The following BCL7C variants were observed in gnomAD, a reference collection of about 807,000 sequenced individuals.
The protein encoded by BCL7C is B-cell CLL/lymphoma 7 protein family member C.
In BCL7C, 8 loss-of-function variants were observed where a neutral mutation model predicts 26.2. The ratio of observed to expected loss-of-function variants is 0.30; its 90% CI spans 0.18 to 0.55. The LOEUF is 0.55. Among genes scored for constraint, BCL7C ranks in the 20% least tolerant of loss-of-function variants. BCL7C has a pLI of 0.93. For missense variants in BCL7C, 262 were observed against 298.5 expected (o/e 0.88, Z 0.90); for synonymous variants, 90 against 116.5 (o/e 0.77, Z 1.47).
In BCL7C at chr16:30,893,156, G is replaced by T; in HGVS notation, c.171+56C>A. On this transcript the variant is annotated intron_variant, in intron 2 of 5. Transcript: ENST00000215115. This position sits in a 1 kb window ranked among gnomAD's most constrained non-coding sequence, Gnocchi z 5.2. ...CTGGAGGTAGAGGTCAGCGTGGGGAGGAACTTGCCTGAGGTTGCACAGATG... is the reference window on the plus strand; with the variant it reads ...CTGGAGGTAGAGGTCAGCGTGGGGATGAACTTGCCTGAGGTTGCACAGATG... 1.3e-6 allele frequency: 2 copies of T among 1,558,946 alleles called. No homozygotes were observed.
In BCL7C at chr16:30,893,361, C is replaced by A; in HGVS notation, c.93-71G>T. Reference sequence around the variant, plus strand: ...CCACCCCCCTAGGAGCTGGACACATCTGGGGGTACCTGCAGAGGTTGAGGA... The same window carrying A: ...CCACCCCCCTAGGAGCTGGACACATATGGGGGTACCTGCAGAGGTTGAGGA... On this transcript the variant is annotated intron_variant, in intron 1 of 5. Transcript: ENST00000215115. This position sits in a 1 kb window ranked among gnomAD's most constrained non-coding sequence, Gnocchi z 5.2. 1 of 1,230,084 alleles carries A rather than the reference C, an allele frequency of 8.1e-7. No homozygotes were observed. Among genetic ancestry groups the A allele is most frequent in the Non-Finnish European group, 1.2e-6 (1 of 861,554 alleles). The allele number at this position is 1,230,084 out of a possible 1,614,324, so 76.2% of individuals were successfully genotyped here.
At chr16:30,876,023 G>C (rs1275449578) in intron 5 of BCL7C, 8 of 152,382 alleles carry the variant, frequency 5.2e-5, no homozygotes, top group Middle Eastern at 3.4e-3. Flanking sequence ...CTTTCACTAC[G>C]CCACAGCTGC....
intron 5 of BCL7C, among the ~76,000 whole-genome samples, chr16:30,841,127 A>C (rs373809254): frequency 3.9e-5 from 6 of 152,180 alleles, no homozygotes; most frequent in African/African-American, 1.4e-4. Context: ...AGGTAGACTG[A>C]CTTGAGGAAA....
At chr16:30,862,572 C>T (rs777344745) in intron 5 of BCL7C, among the ~76,000 whole-genome samples, 1 of 152,096 alleles carries the variant, frequency 6.6e-6, no homozygotes, top group Non-Finnish European at 1.5e-5. Flanking sequence ...TCCTGCTCCT[C>T]CAACATCTAT....
downstream of BCL7C, among the ~76,000 whole-genome samples, chr16:30,885,452 C>G (rs1446823528): frequency 2.6e-5 from 4 of 151,538 alleles, no homozygotes; most frequent in Non-Finnish European, 4.4e-5. Context: ...CTCCATCACC[C>G]AGGCTGGAGT....
chr16:30,863,302 G>A (rs1431529201), intron 5 of BCL7C, among the ~76,000 whole-genome samples: 2 of 152,270 alleles, frequency 1.3e-5, no homozygotes, highest in East Asian at 1.9e-4. Context: ...TTCTCAGCAA[G>A]CCGAACTCAT....
chr16:30,880,051 G>A (rs1405482385), intron 5 of BCL7C, among the ~76,000 whole-genome samples: 2 of 151,902 alleles, frequency 1.3e-5, no homozygotes, highest in Admixed American at 6.6e-5. Flanking sequence ...CCAGCTACTC[G>A]GGAAGCTTAG....
At chr16:30,865,681 G>A (rs2054818826) in intron 5 of BCL7C, among the ~76,000 whole-genome samples, 2 of 150,618 alleles carry the variant, frequency 1.3e-5, no homozygotes, top group African/African-American at 4.9e-5. Context: ...TTCCTCATCT[G>A]TATTTCCTGA....
chr16:30,838,545 G>T (rs1409102502), intron 5 of BCL7C, among the ~76,000 whole-genome samples: 1 of 152,222 alleles, frequency 6.6e-6, no homozygotes, highest in Admixed American at 6.5e-5. Flanking sequence ...CACTTTGGGA[G>T]GCCAAGGTGG....
chr16:30,866,297 C>G (rs548211839), intron 5 of BCL7C, among the ~76,000 whole-genome samples: 4 of 152,234 alleles, frequency 2.6e-5, no homozygotes, highest in Admixed American at 2.6e-4. Context: ...AAAGGGAAGG[C>G]TGGGTGCGGT....
At chr16:30,844,074 G>A (rs867802584) in intron 5 of BCL7C, among the ~76,000 whole-genome samples, 13 of 145,016 alleles carry the variant, frequency 9.0e-5, no homozygotes, top group Admixed American at 5.6e-4. Flanking sequence ...AAAAAAGTCC[G>A]GGCGTGGTGG....
chr16:30,847,140 T>C (rs2054641450), intron 5 of BCL7C, among the ~76,000 whole-genome samples: 1 of 152,184 alleles, frequency 6.6e-6, no homozygotes. Context: ...AGGGCTGATA[T>C]TGCTGAAAGT....
chr16:30,835,769 C>A (rs2054565493), intron 5 of BCL7C, among the ~76,000 whole-genome samples: 1 of 151,724 alleles, frequency 6.6e-6, no homozygotes, highest in South Asian at 2.1e-4. Flanking sequence ...TCTCTTGAAC[C>A]CGGTAGACAG....
At chr16:30,878,354 C>A (rs1029861171) in intron 5 of BCL7C, among the ~76,000 whole-genome samples, 3 of 150,798 alleles carry the variant, frequency 2.0e-5, no homozygotes, top group African/African-American at 7.3e-5. Context: ...CACGGTGAAA[C>A]CCCGTCTCTA....
At chr16:30,866,758 A>G (rs1191429384) in intron 5 of BCL7C, among the ~76,000 whole-genome samples, 2 of 152,296 alleles carry the variant, frequency 1.3e-5, no homozygotes, top group East Asian at 1.9e-4. Flanking sequence ...TTAACCTATT[A>G]TAAGTCAGAG....
intron 5 of BCL7C, among the ~76,000 whole-genome samples, chr16:30,847,129 C>T (rs1013015014): frequency 1.3e-5 from 2 of 152,132 alleles, no homozygotes; most frequent in African/African-American, 4.8e-5. Flanking sequence ...TGTGTAGACC[C>T]AGGGCTGATA....
downstream of BCL7C, among the ~76,000 whole-genome samples, chr16:30,884,100 G>C (rs1449171766): frequency 2.7e-5 from 4 of 150,184 alleles, no homozygotes; most frequent in African/African-American, 9.8e-5. Flanking sequence ...ACTCCAGCCT[G>C]GGCGACAGAG....
chr16:30,893,183 A>G lies in BCL7C; in HGVS notation c.171+29T>C. ...AACTTGCCTGAGGTTGCACAGATGC[A>G]GGGCCTTGTGGGAATGGGGGTTGCT... On this transcript the variant is annotated intron_variant, in intron 2 of 5. Coordinates refer to ENST00000215115, the MANE Select transcript of BCL7C (RefSeq NM_004765.4). The surrounding 1 kb of genome is among the most constrained non-coding windows in gnomAD (Gnocchi z 5.2). 1 of 1,604,946 alleles carries G rather than the reference A, an allele frequency of 6.2e-7. No individual in the cohort carries two copies. The highest frequency in any genetic ancestry group is 1.1e-5 in the South Asian group (1 of 90,066).
intron 5 of BCL7C, among the ~76,000 whole-genome samples, chr16:30,868,781 A>T (rs567869387): frequency 6.6e-6 from 1 of 151,820 alleles, no homozygotes. Flanking sequence ...GCGAAACTCC[A>T]TCTGAAACAA....
Sources: allele counts gnomAD v4.1 joint callset (sites outside exome capture counted in the v4.1 genomes callset), GRCh38; gene constraint gnomAD v4.1.1; non-coding constraint Gnocchi (gnomAD v3.1); transcripts MANE v1.5; gene names NCBI Gene and HGNC (gene_info 2026-07-23, HGNC 2026-07-21).